Variants in DPP6 observed in about 807,000 individuals in gnomAD.
The protein encoded by DPP6 is dipeptidyl peptidase like 6, also known as A-type potassium channel modulatory protein DPP6.
Under a neutral mutation model 122.6 loss-of-function variants are expected in DPP6, and 69 were observed. The ratio of observed to expected loss-of-function variants is 0.56; its 90% CI spans 0.46 to 0.69. DPP6 has a LOEUF of 0.69. Among genes scored for constraint, DPP6 ranks in the 30% least tolerant of loss-of-function variants. The pLI, the probability that DPP6 is intolerant of heterozygous loss-of-function variation, is 0.00. For synonymous variants in DPP6, 418 were observed against 433.1 expected (o/e 0.97, Z 0.43); for missense variants, 928 against 1,116.9 (o/e 0.83, Z 2.41).
At chr7:154,610,160 T>C (rs1317974654) in intron 5 of DPP6, among the ~76,000 whole-genome samples, 5 of 152,204 alleles carry the variant, frequency 3.3e-5, no homozygotes, top group Non-Finnish European at 7.3e-5. Context: ...TCTTGACCCA[T>C]AGTCCAACTG....
At chr7:154,087,147 T>C (rs1804483200) in intron 1 of DPP6, among the ~76,000 whole-genome samples, 1 of 151,452 alleles carries the variant, frequency 6.6e-6, no homozygotes, top group African/African-American at 2.4e-5. Context: ...ACATTGTTCA[T>C]GCAAAGGAAC....
chr7:153,971,842 C>T (rs1396826336), intron 1 of DPP6, among the ~76,000 whole-genome samples: 1 of 143,780 alleles, frequency 7.0e-6, no homozygotes, highest in Non-Finnish European at 1.5e-5. Context: ...TACCGAACTC[C>T]TGGAACTCTG....
At chr7:153,955,669 G>A (rs557916780) in intron 1 of DPP6, among the ~76,000 whole-genome samples, 12 of 152,204 alleles carry the variant, frequency 7.9e-5, no homozygotes, top group African/African-American at 2.9e-4. Flanking sequence ...GAACTCCTGA[G>A]CTCAGGCGAT....
At chr7:154,892,257 C>T (rs1045742506) in intron 25 of DPP6, 77 bp from the exon 26 acceptor site, 255 of 1,595,960 alleles carry the variant, frequency 1.6e-4, no homozygotes, top group Non-Finnish European at 2.1e-4. Flanking sequence ...TTTCACTAAA[C>T]TCCACACCTT....
intron 7 of DPP6, among the ~76,000 whole-genome samples, chr7:154,702,906 A>G (rs6946440): frequency 0.78 from 118,979 of 152,186 alleles, 48,917 homozygotes; most frequent in Non-Finnish European, 0.92. Context: ...GGAAAATTCA[A>G]TGCCTGGCTT....
chr7:154,060,622 G>T (rs1179371047), intron 1 of DPP6, among the ~76,000 whole-genome samples: 4 of 143,990 alleles, frequency 2.8e-5, no homozygotes, highest in Admixed American at 2.7e-4. Context: ...TGGCTCTGAG[G>T]ACCCCCATCG....
At chr7:154,513,286 C>T (rs576699984) in intron 3 of DPP6, among the ~76,000 whole-genome samples, 1 of 152,312 alleles carries the variant, frequency 6.6e-6, no homozygotes, top group South Asian at 2.1e-4. Flanking sequence ...AGAACTCCCA[C>T]CAACCTCACA....
intron 1 of DPP6, among the ~76,000 whole-genome samples, chr7:154,060,805 G>A (rs868806355): frequency 2.0e-5 from 2 of 98,486 alleles, no homozygotes; most frequent in South Asian, 3.3e-4. Flanking sequence ...GGAGGGGGAC[G>A]CACCCCCCAT....
At chr7:154,165,763 A>G (rs1203430579) in intron 1 of DPP6, among the ~76,000 whole-genome samples, 4 of 152,164 alleles carry the variant, frequency 2.6e-5, no homozygotes, top group African/African-American at 4.8e-5. Flanking sequence ...GCCAGTGATG[A>G]TGAGCATTTT....
At chr7:154,462,130 A>G (rs955647308) in intron 2 of DPP6, among the ~76,000 whole-genome samples, 4 of 152,072 alleles carry the variant, frequency 2.6e-5, no homozygotes, top group Admixed American at 2.0e-4. Context: ...CCTTTCCCCA[A>G]TATATGTTCT....
chr7:154,085,470 C>G (rs564755144), intron 1 of DPP6, among the ~76,000 whole-genome samples: 1 of 152,228 alleles, frequency 6.6e-6, no homozygotes, highest in East Asian at 1.9e-4. Flanking sequence ...TTTTTAATGT[C>G]TATTATTTTC....
chr7:154,689,999 G>A (rs759670400), intron 7 of DPP6, among the ~76,000 whole-genome samples: 7 of 152,140 alleles, frequency 4.6e-5, no homozygotes, highest in Non-Finnish European at 1.0e-4. Context: ...CGCATGTCAA[G>A]TCCCTTTTAT....
intron 5 of DPP6, among the ~76,000 whole-genome samples, chr7:154,583,577 G>A (rs79794318): frequency 0.014 from 2,070 of 152,230 alleles, 66 homozygotes; most frequent in African/African-American, 0.047. Context: ...CACCCAAAAC[G>A]CGATACACTG....
chr7:154,744,171 A>G (rs1842935251), intron 8 of DPP6, among the ~76,000 whole-genome samples: 1 of 151,988 alleles, frequency 6.6e-6, no homozygotes, highest in Admixed American at 6.5e-5. Flanking sequence ...AGCTTCTCCA[A>G]GCTTTCCTAC....
At position 154,775,181 on chromosome 7, in the gene DPP6, C is replaced by T. The variant is rs557651110; in HGVS notation, c.1136+2239C>T. ...GGTTCTCTAGCCAACTGCCTGGGTTCGAGTTCTGGCTCTGTGGACTCTGTC... is the reference window on the plus strand; with the variant it reads ...GGTTCTCTAGCCAACTGCCTGGGTTTGAGTTCTGGCTCTGTGGACTCTGTC... On this transcript the variant is annotated intron_variant, in intron 10 of 25. Coordinates refer to ENST00000377770, the MANE Select transcript of DPP6 (RefSeq NM_130797.4). 4.6e-5 allele frequency among the ~76,000 whole-genome samples: 7 copies of T among 152,316 alleles called. No individual in the cohort carries two copies. The South Asian group carries it at 6.2e-4, about 14-fold the overall frequency.
At chr7:153,967,622 C>G (rs1412244392) in intron 1 of DPP6, among the ~76,000 whole-genome samples, 1 of 152,060 alleles carries the variant, frequency 6.6e-6, no homozygotes, top group Non-Finnish European at 1.5e-5. Flanking sequence ...AAGCTCGTGT[C>G]CAACCTAACA....
intron 4 of DPP6, among the ~76,000 whole-genome samples, chr7:154,565,522 T>C (rs923194052): frequency 6.6e-6 from 1 of 152,118 alleles, no homozygotes; most frequent in African/African-American, 2.4e-5. Context: ...CATAATATGA[T>C]GTCACTTTTT....
chr7:153,848,961 G>T, the DPP6 span, among the ~76,000 whole-genome samples: 1 of 151,846 alleles, frequency 6.6e-6, no homozygotes, highest in Non-Finnish European at 1.5e-5. Flanking sequence ...CATATCTTAG[G>T]TCTAATACAT....
At chr7:154,566,653 G>GA (rs751391059) in intron 4 of DPP6, among the ~76,000 whole-genome samples, 189 bp from the exon 5 acceptor site, 8 of 150,868 alleles carry the variant, frequency 5.3e-5, no homozygotes, top group Non-Finnish European at 1.0e-4. Context: ...GTTGAAATTT[G>GA]AAAAAAAATA....
Sources: allele counts gnomAD v4.1 joint callset (sites outside exome capture counted in the v4.1 genomes callset), GRCh38; gene constraint gnomAD v4.1.1; transcripts MANE v1.5; gene names NCBI Gene and HGNC (gene_info 2026-07-23, HGNC 2026-07-21).